ANGPT1: variants seen among roughly 807,000 people sequenced by gnomAD.
ANGPT1 encodes angiopoietin-1.
In ANGPT1, 17 loss-of-function variants were observed where a neutral mutation model predicts 62.2. The observed-to-expected ratio is 0.27, with a 90% CI of 0.19 to 0.41. ANGPT1 has a LOEUF of 0.41. Ranked by LOEUF, ANGPT1 falls within the 10% of genes least tolerant of loss-of-function variation. ANGPT1 has a pLI of 1.00. For missense variants in ANGPT1, 478 were observed against 594.9 expected (o/e 0.80, Z 2.04); for synonymous variants, 199 against 198.9 (o/e 1.00, Z 0.00).
intron 1 of ANGPT1, among the ~76,000 whole-genome samples, chr8:107,438,259 C>T (rs1384871549): frequency 2.0e-5 from 3 of 151,904 alleles, no homozygotes; most frequent in Non-Finnish European, 4.4e-5. Flanking sequence ...TTCCTTCTAC[C>T]TCTTCTTTGT....
intron 2 of ANGPT1, among the ~76,000 whole-genome samples, chr8:107,346,424 T>C (rs559789126): frequency 2.6e-5 from 4 of 152,288 alleles, no homozygotes; most frequent in African/African-American, 7.2e-5. Flanking sequence ...ATCCCTAGTT[T>C]TTACTCGTTG....
In ANGPT1 at chr8:107,251,624, T is replaced by A; in HGVS notation, c.*231A>T. On this transcript the variant is annotated 3_prime_UTR_variant, in exon 9 of 9. Coordinates refer to ENST00000517746, the MANE Select transcript of ANGPT1 (RefSeq NM_001146.5). ...TCCCTTTTTAAAGCCCGACAGTCAG[T>A]GGAGTTTTCTATAGTCGAGCCACGT... 2.2e-6 allele frequency: 1 copy of A among 464,114 alleles called. No homozygotes were observed. 28.7% of individuals were successfully genotyped at this position (464,114 alleles called of 1,614,324 possible).
intron 4 of ANGPT1, among the ~76,000 whole-genome samples, chr8:107,305,324 C>A (rs563682523): frequency 6.6e-6 from 1 of 151,886 alleles, no homozygotes; most frequent in African/African-American, 2.4e-5. Flanking sequence ...AGTCATTTAT[C>A]TATGGAGAAA....
chr8:107,404,365 C>T (rs1229095668), intron 1 of ANGPT1, among the ~76,000 whole-genome samples: 1 of 152,074 alleles, frequency 6.6e-6, no homozygotes, highest in Non-Finnish European at 1.5e-5. Context: ...TCCAAAGATC[C>T]TTGGTTCGTG....
At chr8:107,435,773 C>T (rs561431798) in intron 1 of ANGPT1, among the ~76,000 whole-genome samples, 3 of 152,270 alleles carry the variant, frequency 2.0e-5, no homozygotes, top group Admixed American at 6.5e-5. Context: ...CCGGGGATGA[C>T]GATAGGCACT....
At position 107,470,372 on chromosome 8, in the gene ANGPT1, C is replaced by A. The variant is rs573412881; in HGVS notation, c.297+26890G>T. Reference sequence around the variant, plus strand: ...TATTATGTTAAGTATGTGCTGTTGGCAAACTTACTAATTTTTTATTTGCAT... The same window carrying A: ...TATTATGTTAAGTATGTGCTGTTGGAAAACTTACTAATTTTTTATTTGCAT... On this transcript the variant is annotated intron_variant, in intron 1 of 8. Transcript: ENST00000517746. Among the ~76,000 whole-genome samples, 10 of 152,124 alleles carry A rather than the reference C, an allele frequency of 6.6e-5. No individual in the cohort carries two copies. In the East Asian group the frequency reaches 1.9e-3, roughly 29 times the overall value.
At chr8:107,340,293 T>G (rs1051803178) in intron 2 of ANGPT1, among the ~76,000 whole-genome samples, 1 of 152,070 alleles carries the variant, frequency 6.6e-6, no homozygotes, top group Non-Finnish European at 1.5e-5. Flanking sequence ...CAAGGAACAA[T>G]TTCAAAGAAT....
intron 5 of ANGPT1, among the ~76,000 whole-genome samples, chr8:107,301,056 A>G (rs1437054254): frequency 6.6e-6 from 1 of 151,884 alleles, no homozygotes; most frequent in Non-Finnish European, 1.5e-5. Context: ...ACTAGAGTGT[A>G]GTTGTGGTTA....
At chr8:107,307,967 T>G (rs1814759933) in intron 4 of ANGPT1, among the ~76,000 whole-genome samples, 1 of 152,212 alleles carries the variant, frequency 6.6e-6, no homozygotes. Context: ...CTTCTCCAGT[T>G]TTTATCAGTT....
At chr8:107,395,385 T>C (rs1413447100) in intron 1 of ANGPT1, among the ~76,000 whole-genome samples, 1 of 152,216 alleles carries the variant, frequency 6.6e-6, no homozygotes, top group African/African-American at 2.4e-5. Context: ...GTTGGTAACA[T>C]TTATATGCAT....
chr8:107,472,559 A>G (rs1413790446), intron 1 of ANGPT1, among the ~76,000 whole-genome samples: 1 of 152,090 alleles, frequency 6.6e-6, no homozygotes, highest in Non-Finnish European at 1.5e-5. Context: ...AAAATAAGAA[A>G]TGGCTATAAT....
chr8:107,442,514 A>G (rs1279211228), intron 1 of ANGPT1, among the ~76,000 whole-genome samples: 1 of 152,202 alleles, frequency 6.6e-6, no homozygotes, highest in African/African-American at 2.4e-5. Flanking sequence ...GAAGTGTAAG[A>G]GTAAGCAAAC....
At chr8:107,470,390 A>G (rs961047572) in intron 1 of ANGPT1, among the ~76,000 whole-genome samples, 5 of 152,108 alleles carry the variant, frequency 3.3e-5, no homozygotes, top group African/African-American at 1.2e-4. Context: ...CTAATTTTTT[A>G]TTTGCATTAC....
chr8:107,252,260 C>G (rs1046425025), intron 8 of ANGPT1, among the ~76,000 whole-genome samples: 1 of 152,174 alleles, frequency 6.6e-6, no homozygotes, highest in African/African-American at 2.4e-5. Context: ...TTCAGTGTGA[C>G]TCCACTGGAA....
At chr8:107,275,909 A>G (rs984932592) in intron 7 of ANGPT1, among the ~76,000 whole-genome samples, 1 of 152,102 alleles carries the variant, frequency 6.6e-6, no homozygotes, top group Non-Finnish European at 1.5e-5. Flanking sequence ...TGTGACAGGA[A>G]TCCTCTGGGA....
intron 1 of ANGPT1, among the ~76,000 whole-genome samples, chr8:107,450,910 T>C (rs1169688676): frequency 6.6e-6 from 1 of 151,828 alleles, no homozygotes; most frequent in Non-Finnish European, 1.5e-5. Flanking sequence ...GCAGTTAATA[T>C]TACATCACAG....
chr8:107,470,810 T>C (rs1388001412), intron 1 of ANGPT1, among the ~76,000 whole-genome samples: 1 of 152,176 alleles, frequency 6.6e-6, no homozygotes, highest in Non-Finnish European at 1.5e-5. Flanking sequence ...TCATCATCAC[T>C]GGTCATTAGA....
intron 6 of ANGPT1, among the ~76,000 whole-genome samples, chr8:107,293,197 G>GTGATGATGA (rs5893837): frequency 1.0e-3 from 154 of 148,776 alleles, no homozygotes; most frequent in African/African-American, 3.1e-3. Flanking sequence ...GAGAAGAACT[G>GTGATGATGA]TGATGATGAT....
chr8:107,448,646 CA>C (rs1313179199), intron 1 of ANGPT1, among the ~76,000 whole-genome samples: 1 of 152,064 alleles, frequency 6.6e-6, no homozygotes, highest in African/African-American at 2.4e-5. Flanking sequence ...TGACCTTTGT[CA>C]TTTGGGTAAA....
Sources: allele counts gnomAD v4.1 joint callset (sites outside exome capture counted in the v4.1 genomes callset), GRCh38; gene constraint gnomAD v4.1.1; transcripts MANE v1.5; gene names NCBI Gene and HGNC (gene_info 2026-07-23, HGNC 2026-07-21).